Variants in PCCA observed in about 807,000 individuals in gnomAD.
PCCA encodes propionyl-CoA carboxylase alpha chain, mitochondrial.
Under a neutral mutation model 101.3 loss-of-function variants are expected in PCCA, and 74 were observed. That is an observed-to-expected ratio of 0.73 (90% confidence interval 0.61 to 0.89). The LOEUF (loss-of-function observed/expected upper bound fraction) is 0.89, where lower values mean the gene tolerates loss of function less well. PCCA is among the 40% of genes least tolerant of loss of function. The pLI is 0.00. For synonymous variants in PCCA, 294 were observed against 313.6 expected, an observed-to-expected ratio of 0.94 and a Z score of 0.66; for missense variants, 891 against 907.0, an observed-to-expected ratio of 0.98 and a Z score of 0.23.
chr13:100,428,131 A>G (rs2152897522), intron 20 of PCCA, among the ~76,000 whole-genome samples: 1 of 152,182 alleles, frequency 6.6e-6, no homozygotes, highest in East Asian at 1.9e-4. Context: ...CAATGGCACA[A>G]TCTGGGTTCA....
At chr13:100,357,029 C>G (rs1407605129) in intron 18 of PCCA, among the ~76,000 whole-genome samples, 1 of 152,114 alleles carries the variant, frequency 6.6e-6, no homozygotes, top group Non-Finnish European at 1.5e-5. Context: ...ATAACAGTTG[C>G]TTAGGGCTGA....
chr13:100,223,819 A>C (rs1415429745), intron 7 of PCCA, among the ~76,000 whole-genome samples: 1 of 152,150 alleles, frequency 6.6e-6, no homozygotes, highest in Non-Finnish European at 1.5e-5. Flanking sequence ...GAGTGTCAAC[A>C]CAAAGGTTCT....
intron 4 of PCCA, among the ~76,000 whole-genome samples, chr13:100,135,909 G>T (rs1001410903): frequency 5.3e-4 from 80 of 152,144 alleles, no homozygotes; most frequent in African/African-American, 1.7e-3. Flanking sequence ...ATCATGTGGG[G>T]TTTTTTTCCT....
intron 16 of PCCA, among the ~76,000 whole-genome samples, chr13:100,323,809 T>C (rs774278671): frequency 4.6e-5 from 7 of 152,348 alleles, no homozygotes; most frequent in Non-Finnish European, 8.8e-5. Flanking sequence ...ATATCATTTA[T>C]ACCTGATAAC....
At chr13:100,373,648 A>T (rs897138420) in intron 19 of PCCA, among the ~76,000 whole-genome samples, 3 of 152,202 alleles carry the variant, frequency 2.0e-5, no homozygotes, top group African/African-American at 7.2e-5. Flanking sequence ...ACTTTTTAAG[A>T]TGAAAGGTTT....
chr13:100,312,451 T>C (rs1315685327), intron 16 of PCCA, among the ~76,000 whole-genome samples: 2 of 152,118 alleles, frequency 1.3e-5, no homozygotes, highest in Non-Finnish European at 2.9e-5. Flanking sequence ...CCTGTGTAGG[T>C]GAAATAAAGG....
chr13:100,374,704 A>G (rs1308265217), intron 19 of PCCA, among the ~76,000 whole-genome samples: 4 of 152,186 alleles, frequency 2.6e-5, no homozygotes, highest in African/African-American at 9.7e-5. Flanking sequence ...TGGAAAAAGG[A>G]GCACTATACA....
intron 18 of PCCA, among the ~76,000 whole-genome samples, chr13:100,342,066 G>A (rs1213631421): frequency 6.7e-6 from 1 of 149,220 alleles, no homozygotes; most frequent in East Asian, 2.0e-4. Flanking sequence ...CATAAACCTG[G>A]GAATATGGTT....
At chr13:100,530,076 C>T (rs2088287374) in intron 23 of PCCA, 22 bp from the exon 24 acceptor site, 2 of 1,600,940 alleles carry the variant, frequency 1.2e-6, no homozygotes, top group Non-Finnish European at 1.7e-6. Flanking sequence ...CTCCCCTCCC[C>T]CTGCATTTTT....
At chr13:100,283,592 A>C (rs890842814) in intron 12 of PCCA, among the ~76,000 whole-genome samples, 3 of 151,832 alleles carry the variant, frequency 2.0e-5, no homozygotes, top group African/African-American at 7.3e-5. Context: ...TATCAGGAGA[A>C]AGCTCGAAAA....
intron 21 of PCCA, 150 bp from the exon 22 acceptor site, chr13:100,515,277 T>C (rs2086749966): frequency 1.1e-5 from 8 of 714,830 alleles, no homozygotes; most frequent in Non-Finnish European, 2.0e-5. Context: ...CAAATATATT[T>C]TGATGTGTGC....
chr13:100,362,154 G>T (rs1424500157), intron 18 of PCCA, among the ~76,000 whole-genome samples: 1 of 152,116 alleles, frequency 6.6e-6, no homozygotes, highest in African/African-American at 2.4e-5. Flanking sequence ...TTTGGAGTCT[G>T]TTCTTGTGAA....
At chr13:100,198,825 G>A (rs1451153330) in intron 6 of PCCA, among the ~76,000 whole-genome samples, 9 of 151,948 alleles carry the variant, frequency 5.9e-5, no homozygotes, top group Non-Finnish European at 4.4e-5. Flanking sequence ...AACCTTTAGT[G>A]CTAAGTAAAC....
rs2088292660 is a variant in PCCA at position 100,530,113 on chromosome 13, T to C, written c.2134T>C (p.Cys712Arg). Reference sequence around the variant, plus strand: ...AAAATTCAAGGTGAAATCTGTGCACTGTCAAGCTGGAGACACAGTTGGAGA... The same window carrying C: ...AAAATTCAAGGTGAAATCTGTGCACCGTCAAGCTGGAGACACAGTTGGAGA... ...GKTGTVKSVH[C>R]QAGDTVGEGD... The change falls in exon 24 of 24, where the codon TGT becomes CGT. Residue 712 changes from cysteine (C) to arginine (R), a missense_variant. Coordinates refer to ENST00000376285, the MANE Select transcript of PCCA (RefSeq NM_000282.4). 6.2e-7 allele frequency: 1 copy of C among 1,613,672 alleles called. No individual in the cohort carries two copies. The highest frequency in any genetic ancestry group is 1.3e-5 in the African/African-American group (1 of 75,030).
intron 21 of PCCA, chr13:100,489,952 G>A (rs937713590): frequency 1.3e-5 from 2 of 152,220 alleles, no homozygotes; most frequent in African/African-American, 4.8e-5. Context: ...CGGGGCTCAG[G>A]GAAAGTTCAG....
intron 16 of PCCA, among the ~76,000 whole-genome samples, chr13:100,311,004 G>A (rs1223033168): frequency 6.6e-6 from 1 of 152,076 alleles, no homozygotes; most frequent in Non-Finnish European, 1.5e-5. Context: ...GGGAGGCTGA[G>A]GCGGGTGGAT....
intron 7 of PCCA, among the ~76,000 whole-genome samples, chr13:100,232,601 A>C (rs572720173): frequency 9.1e-4 from 138 of 152,116 alleles, no homozygotes; most frequent in African/African-American, 3.0e-3. Flanking sequence ...GGCTAGTCTC[A>C]AACTCCTACC....
intron 6 of PCCA, among the ~76,000 whole-genome samples, chr13:100,207,625 C>T (rs760657075): frequency 3.9e-5 from 6 of 151,972 alleles, no homozygotes; most frequent in Non-Finnish European, 7.4e-5. Context: ...CAAGATCTGC[C>T]CTCCTCGGCC....
chr13:100,368,179 A>G (rs2152811359), intron 18 of PCCA, among the ~76,000 whole-genome samples: 1 of 152,274 alleles, frequency 6.6e-6, no homozygotes, highest in South Asian at 2.1e-4. Flanking sequence ...AGTTTAAGGC[A>G]TGGCATACTT....
Sources: gnomAD v4.1 joint callset for allele counts (sites outside exome capture counted in the v4.1 genomes callset) on GRCh38, gnomAD v4.1.1 for gene constraint, MANE v1.5 for transcripts, NCBI Gene and HGNC (gene_info 2026-07-23, HGNC 2026-07-21) for gene names.